GYPB: variants seen among roughly 807,000 people sequenced by gnomAD.
GYPB encodes glycophorin B (MNS blood group).
Under a neutral mutation model 15.3 loss-of-function variants are expected in GYPB, and 13 were observed. The observed-to-expected ratio is 0.85, with a 90% CI of 0.55 to 1.35. The LOEUF is 1.35. GYPB is among the 40% of genes most tolerant of loss of function. The probability of loss-of-function intolerance (pLI) is 0.00; values close to 1 mark genes in which losing one functional copy is unlikely to be tolerated. For synonymous variants in GYPB, 38 were observed against 36.9 expected, an observed-to-expected ratio of 1.03 and a Z score of -0.11; for missense variants, 131 against 108.3, an observed-to-expected ratio of 1.21 and a Z score of -0.93.
chr4:144,017,262 A>G (rs1201891599), intron 1 of GYPB, among the ~76,000 whole-genome samples: 2 of 150,690 alleles, frequency 1.3e-5, no homozygotes, highest in Non-Finnish European at 2.9e-5. Flanking sequence ...GATCTCTGGT[A>G]AGTTTAGAAT....
At chr4:144,018,197 T>A (rs931425460) in intron 1 of GYPB, among the ~76,000 whole-genome samples, 1 of 151,434 alleles carries the variant, frequency 6.6e-6, no homozygotes, top group Non-Finnish European at 1.5e-5. Flanking sequence ...GTACCAACAT[T>A]GCCTGCATTT....
In GYPB at chr4:144,005,801, C is replaced by G. The variant is rs1294026195; in HGVS notation, c.38-4518G>C. On this transcript the variant is annotated intron_variant, in intron 1 of 4. Transcript: ENST00000502664. Reference sequence around the variant, plus strand: ...CATGGGCCTCTGAGAAACATACTCTCAAGACCTTACCCCATGCCTACTTGC... The same window carrying G: ...CATGGGCCTCTGAGAAACATACTCTGAAGACCTTACCCCATGCCTACTTGC... Among the ~76,000 whole-genome samples the G allele has an allele frequency of 4.4e-4, 67 of 151,828 alleles. 2 individuals are homozygous for G. Among genetic ancestry groups the G allele is most frequent in the African/African-American group, 6.6e-4 (27 of 41,042 alleles).
intron 1 of GYPB, among the ~76,000 whole-genome samples, chr4:144,005,022 C>A (rs1272389301): frequency 1.9e-4 from 29 of 151,948 alleles, no homozygotes; most frequent in African/African-American, 6.6e-4. Flanking sequence ...TTATTTTTAT[C>A]TCTTTGCCTT....
intron 1 of GYPB, among the ~76,000 whole-genome samples, chr4:144,015,248 A>C (rs1294969388): frequency 1.3e-5 from 2 of 151,446 alleles, no homozygotes; most frequent in Non-Finnish European, 2.9e-5. Flanking sequence ...AAACCTTACA[A>C]TCCCAACACT....
At chr4:144,001,367 C>G in intron 1 of GYPB, 84 bp from the exon 2 acceptor site, 1 of 1,605,888 alleles carries the variant, frequency 6.2e-7, no homozygotes, top group Non-Finnish European at 8.5e-7. Context: ...ACAAATTCCT[C>G]TCACATCCCT....
At position 144,009,601 on chromosome 4, in the gene GYPB, CTTTTTTTTTTTTTTTTTTTT is replaced by C. The variant is rs55807150; in HGVS notation, c.38-8338_38-8319del. On this transcript the variant is annotated intron_variant, in intron 1 of 4. Transcript: ENST00000502664. ...ATTATTATTTTGATTTTTTTTCTTT[CTTTTTTTTTTTTTTTTTTTT>C]TTTTTTTTTTGAGATGGAGGCTTGT... 1.4e-4 allele frequency among the ~76,000 whole-genome samples: 8 copies of C among 57,782 alleles called. 1 individual carries two copies. The highest frequency in any genetic ancestry group is 2.4e-4 in the African/African-American group (3 of 12,318). The allele number at this position is 57,782 out of a possible 152,430, so 37.9% of individuals were successfully genotyped here. A position where few individuals can be genotyped will look rare whatever the true frequency, so the allele number is the denominator to read the frequency against.
intron 3 of GYPB, 108 bp downstream of exon 3, chr4:143,999,303 A>G (rs1477676163): frequency 2.3e-5 from 15 of 663,386 alleles, no homozygotes; most frequent in Non-Finnish European, 3.8e-5. Flanking sequence ...AAAGTTAACA[A>G]CATATGCTCT....
At chr4:144,009,901 C>G (rs1398540462) in intron 1 of GYPB, among the ~76,000 whole-genome samples, 2 of 150,734 alleles carry the variant, frequency 1.3e-5, no homozygotes, top group South Asian at 2.1e-4. Flanking sequence ...GCTTGGACCA[C>G]TGTACCCGGC....
intron 1 of GYPB, among the ~76,000 whole-genome samples, chr4:144,015,058 A>C (rs566843187): frequency 5.9e-5 from 9 of 151,556 alleles, no homozygotes; most frequent in Non-Finnish European, 7.4e-5. Flanking sequence ...AATAAATGTC[A>C]CAAATAGATT....
chr4:144,003,777 C>G (rs982858458), intron 1 of GYPB, among the ~76,000 whole-genome samples: 1 of 151,160 alleles, frequency 6.6e-6, no homozygotes, highest in Non-Finnish European at 1.5e-5. Flanking sequence ...AATTTTGTAC[C>G]GAAATGAAGG....
At chr4:143,998,541 C>A (rs1296684912) in intron 3 of GYPB, among the ~76,000 whole-genome samples, 1 of 144,792 alleles carries the variant, frequency 6.9e-6, no homozygotes, top group South Asian at 2.3e-4. Flanking sequence ...GCCATGGACA[C>A]GGCCAAGTGT....
chr4:143,997,631 G>T lies in GYPB; in HGVS notation c.179C>A (p.Pro60His). ...QLVHRFTVPAPVVIILIILCV... is the reference protein window; with the variant it reads ...QLVHRFTVPAHVVIILIILCV... Reference sequence around the variant, plus strand: ...CAAAATAATGAGTATTATCACTACAGGAGCTAAAGAGAGCAGCAAAATTAT... The same window carrying T: ...CAAAATAATGAGTATTATCACTACATGAGCTAAAGAGAGCAGCAAAATTAT... Residue 60 changes from proline to histidine, a missense_variant, in exon 4 of 5, where the codon CCT becomes CAT. Physicochemically the swap from Pro to His is moderately conservative, Grantham distance 77 (BLOSUM62 -2). Transcript: ENST00000502664. 1 of 1,538,584 alleles carries T rather than the reference G, an allele frequency of 6.5e-7. No individual in the cohort carries two copies.
chr4:144,008,604 T>C (rs72936225), intron 1 of GYPB, among the ~76,000 whole-genome samples: 10,886 of 151,460 alleles, frequency 0.072, 1,413 homozygotes, highest in African/African-American at 0.21. Context: ...TCACATATTT[T>C]ACCTGTGTCC....
chr4:144,000,013 C>G (rs1194535998), intron 2 of GYPB: 3 of 187,338 alleles, frequency 1.6e-5, no homozygotes, highest in African/African-American at 7.3e-5. Flanking sequence ...AACCTTCCCT[C>G]TCAGTCCACA....
chr4:144,019,339 C>G lies in GYPB; in HGVS notation c.-52G>C. On this transcript the variant is annotated 5_prime_UTR_variant, in exon 1 of 5. Transcript: ENST00000502664. ...GTTAGTGCAAAAAAACTACCAAAGA[C>G]AACTGCAAGTGTCAGTGTCTGGCCT... 1.2e-6 allele frequency: 2 copies of G among 1,611,446 alleles called. No individual in the cohort carries two copies. Among genetic ancestry groups the G allele is most frequent in the Non-Finnish European group, 1.7e-6 (2 of 1,179,220 alleles).
intron 1 of GYPB, among the ~76,000 whole-genome samples, chr4:144,001,968 CAAA>C (rs374342942): frequency 1.0e-5 from 1 of 96,284 alleles, no homozygotes; most frequent in Non-Finnish European, 1.9e-5. Flanking sequence ...GATTCCGTTT[CAAA>C]AAAAAAAAAA....
intron 1 of GYPB, 47 bp from the exon 2 acceptor site, chr4:144,001,330 A>G: frequency 6.2e-7 from 1 of 1,612,472 alleles, no homozygotes. Context: ...GAGGTGACTG[A>G]GCAGACCATA....
intron 1 of GYPB, among the ~76,000 whole-genome samples, chr4:144,005,384 A>T (rs1369475903): frequency 6.6e-6 from 1 of 151,968 alleles, no homozygotes; most frequent in South Asian, 2.1e-4. Flanking sequence ...ATTGGGGCAT[A>T]TTGTACATAC....
intron 4 of GYPB, among the ~76,000 whole-genome samples, chr4:143,997,173 T>G (rs1436341851): frequency 4.0e-5 from 6 of 151,210 alleles, no homozygotes; most frequent in African/African-American, 7.4e-5. Flanking sequence ...TCCTCCAAAG[T>G]TTTAAACATA....
Sources: allele counts gnomAD v4.1 joint callset (sites outside exome capture counted in the v4.1 genomes callset), GRCh38; gene constraint gnomAD v4.1.1; transcripts MANE v1.5; gene names NCBI Gene and HGNC (gene_info 2026-07-23, HGNC 2026-07-21).